The following WDHD1 variants were observed in gnomAD, a reference collection of about 807,000 sequenced individuals.
WDHD1 encodes WD repeat and HMG-box DNA binding protein 1.
A neutral mutation model predicts 135.4 loss-of-function variants in WDHD1; 111 were observed. That is an observed-to-expected ratio of 0.82 (90% CI 0.70 to 0.96). The LOEUF (loss-of-function observed/expected upper bound fraction) is 0.96, where lower values mean the gene tolerates loss of function less well. Among genes scored for constraint, WDHD1 ranks in the 40% least tolerant of loss-of-function variants. WDHD1 has a pLI of 0.00. For synonymous variants in WDHD1, 434 were observed against 439.0 expected (o/e 0.99, Z 0.14); for missense variants, 1,351 against 1,336.3 (o/e 1.01, Z -0.17).
Position 54,942,993 on chromosome 14 carries a change from G to A in WDHD1, c.3190-1303C>T, listed in dbSNP as rs573291613. On this transcript the variant is annotated intron_variant, in intron 25 of 25. Transcript: ENST00000360586. ...AATTGTAAATGAGGTTCTAAATGAC[G>A]CTAAAGGTGTTTAAACCAGTTTCTG... 4.9e-4 allele frequency among the ~76,000 whole-genome samples: 75 copies of A among 152,254 alleles called. No homozygotes were observed. In the South Asian group the frequency reaches 0.016, roughly 32 times the overall value.
In WDHD1 at chr14:54,941,551, T is replaced by TA. The variant is rs2040838265; in HGVS notation, c.3328_3329insT (p.Gln1110LeufsTer18). On this transcript the variant is annotated frameshift_variant, in exon 26 of 26. Transcript: ENST00000360586. LOFTEE classifies it high-confidence loss of function. ...ATTTGTAGAAAAATCTAAAGGTTTC[T>TA]GCTTTTTAGACAAATTCAGGTTCTC... 1.2e-6 allele frequency: 2 copies of TA among 1,613,884 alleles called. No homozygotes were observed. The highest frequency in any genetic ancestry group is 1.7e-5 in the Admixed American group (1 of 59,998).
intron 17 of WDHD1, 46 bp downstream of exon 17, chr14:54,967,234 T>G: frequency 1.4e-6 from 2 of 1,389,836 alleles, no homozygotes; most frequent in South Asian, 2.3e-5. Context: ...GTATCACAGG[T>G]GCTGTATTAT....
intron 11 of WDHD1, among the ~76,000 whole-genome samples, chr14:54,995,092 C>T (rs1182700449): frequency 1.3e-5 from 2 of 152,010 alleles, no homozygotes; most frequent in African/African-American, 2.4e-5. Context: ...AGTGAGTTTC[C>T]TGCCTCAGTC....
At chr14:55,008,771 T>G in intron 4 of WDHD1, 52 bp from the exon 5 acceptor site, 153 of 1,028,254 alleles carry the variant, frequency 1.5e-4, no homozygotes, top group Non-Finnish European at 2.1e-4. Context: ...CAAAGGCCTC[T>G]CCTAAAAGCT....
At chr14:54,967,532 T>C (rs2041364781) in intron 16 of WDHD1, 138 bp from the exon 17 acceptor site, 4 of 547,876 alleles carry the variant, frequency 7.3e-6, no homozygotes, top group Non-Finnish European at 1.3e-5. Context: ...AACAAATATC[T>C]CTTTTTAAAA....
At position 55,019,095 on chromosome 14, in the gene WDHD1, C is replaced by T. The variant is rs2042304186; in HGVS notation, c.78-5499G>A. On this transcript the variant is annotated intron_variant, in intron 2 of 25. Coordinates refer to ENST00000360586, the MANE Select transcript of WDHD1 (RefSeq NM_007086.4). ...ATTCAGCATAAAATGCAACTCTAAA[C>T]AAGGCTACAGCTAATTTTTTATGAG... Among the ~76,000 whole-genome samples the T allele has an allele frequency of 2.6e-5, 4 of 152,124 alleles. No individual in the cohort carries two copies. The South Asian group carries it at 8.3e-4, about 31-fold the overall frequency.
intron 3 of WDHD1, 27 bp from the exon 4 acceptor site, chr14:55,010,487 A>G: frequency 6.6e-7 from 1 of 1,520,928 alleles, no homozygotes; most frequent in East Asian, 2.4e-5. Context: ...GGTAAGAAAC[A>G]TTAGCAAAAC....
chr14:54,963,790 A>G (rs951493613), intron 18 of WDHD1, among the ~76,000 whole-genome samples: 3 of 128,156 alleles, frequency 2.3e-5, no homozygotes, highest in African/African-American at 9.0e-5. Context: ...AGAAAGCGAG[A>G]CTCTGTCTCA....
In WDHD1 at chr14:54,967,402, T is replaced by C; in HGVS notation, c.2064-8A>G. 1 of 1,578,792 alleles carries C rather than the reference T, an allele frequency of 6.3e-7. No individual in the cohort carries two copies. ...CCTTTACAAGGAATGCACCTGTTAG[T>C]AAAGAAAAGTTCCATCATAAAAATT... On this transcript the variant is annotated splice_polypyrimidine_tract_variant and splice_region_variant and intron_variant, in intron 16 of 25. Transcript: ENST00000360586.
intron 25 of WDHD1, among the ~76,000 whole-genome samples, chr14:54,942,828 G>A (rs1440673601): frequency 1.3e-5 from 2 of 151,940 alleles, no homozygotes; most frequent in Non-Finnish European, 2.9e-5. Context: ...AAATGTTTAG[G>A]GTTTACCTTA....
intron 21 of WDHD1, among the ~76,000 whole-genome samples, chr14:54,962,060 C>T (rs2041261031): frequency 6.6e-6 from 1 of 152,184 alleles, no homozygotes; most frequent in Non-Finnish European, 1.5e-5. Flanking sequence ...TAGTCTAGAA[C>T]TCCTGACCTC....
chr14:54,972,553 C>CAAAAAAAAAAAAAAAAAAAAAA lies in WDHD1; in HGVS notation c.2064-5181_2064-5160dup, dbSNP rs71410642. 6.7e-4 allele frequency among the ~76,000 whole-genome samples: 17 copies of CAAAAAAAAAAAAAAAAAAAAAA among 25,500 alleles called. 4 individuals carry two copies. The highest frequency in any genetic ancestry group is 9.9e-4 in the Non-Finnish European group (15 of 15,220). 16.7% of individuals were successfully genotyped at this position (25,500 alleles called of 152,430 possible). On this transcript the variant is annotated intron_variant, in intron 16 of 25. Transcript: ENST00000360586. ...CCTGGGCAATAAAGCAAGACTGTCA[C>CAAAAAAAAAAAAAAAAAAAAAA]AAAAAAAAAAAAAAAAAAAAAAAAA...
chr14:55,004,728 T>A, intron 7 of WDHD1: 1 of 369,416 alleles, frequency 2.7e-6, no homozygotes, highest in African/African-American at 2.1e-5. Context: ...GCTGGGATTA[T>A]GGGCGTGAGC....
chr14:54,983,476 C>A (rs2041650334), intron 15 of WDHD1, among the ~76,000 whole-genome samples: 1 of 151,986 alleles, frequency 6.6e-6, no homozygotes, highest in Non-Finnish European at 1.5e-5. Flanking sequence ...AGTTCAAGAC[C>A]AGCCTGGCCA....
In WDHD1 at chr14:55,008,367, C is replaced by T; in HGVS notation, c.454-1G>A. 1 of 1,613,446 alleles carries T rather than the reference C, an allele frequency of 6.2e-7. No individual in the cohort carries two copies. Among genetic ancestry groups the T allele is most frequent in the Non-Finnish European group, 8.5e-7 (1 of 1,179,702 alleles). On this transcript the variant is annotated splice_acceptor_variant, in intron 5 of 25. Transcript: ENST00000360586. LOFTEE classifies it high-confidence loss of function. ...CAGATCCATCACAACTAGCTGATGCCTGCAGGAATAAACAATACATTTCTC... is the reference window on the plus strand; with the variant it reads ...CAGATCCATCACAACTAGCTGATGCTTGCAGGAATAAACAATACATTTCTC...
intron 18 of WDHD1, among the ~76,000 whole-genome samples, chr14:54,964,823 G>C (rs1034713034): frequency 1.3e-5 from 2 of 152,098 alleles, no homozygotes; most frequent in African/African-American, 4.8e-5. Flanking sequence ...TTTGATATGA[G>C]AAACACTGCC....
At chr14:54,953,650 C>G (rs912327077) in intron 24 of WDHD1, among the ~76,000 whole-genome samples, 1 of 152,148 alleles carries the variant, frequency 6.6e-6, no homozygotes, top group Non-Finnish European at 1.5e-5. Context: ...ATAAATCATG[C>G]TGCTATAAAA....
At chr14:54,987,952 T>C (rs1027260836) in intron 13 of WDHD1, among the ~76,000 whole-genome samples, 1 of 152,044 alleles carries the variant, frequency 6.6e-6, no homozygotes, top group Non-Finnish European at 1.5e-5. Context: ...TCAAATCACA[T>C]AGAAGATAGT....
chr14:54,968,843 C>G (rs1024944442), intron 16 of WDHD1, among the ~76,000 whole-genome samples: 1 of 152,082 alleles, frequency 6.6e-6, no homozygotes, highest in Non-Finnish European at 1.5e-5. Flanking sequence ...AAGTTTGACA[C>G]CACCCTGGGC....
Sources: gnomAD v4.1 joint callset for allele counts (sites outside exome capture counted in the v4.1 genomes callset) on GRCh38, gnomAD v4.1.1 for gene constraint, MANE v1.5 for transcripts, NCBI Gene and HGNC (gene_info 2026-07-23, HGNC 2026-07-21) for gene names.